Variants in EXOG observed in about 807,000 individuals in gnomAD.
EXOG encodes nuclease EXOG, mitochondrial.
Under a neutral mutation model 25.8 loss-of-function variants are expected in EXOG, and 27 were observed. The ratio of observed to expected loss-of-function variants is 1.05; its 90% CI spans 0.77 to 1.45. EXOG has a LOEUF of 1.45. Ranked by LOEUF, EXOG falls within the 40% of genes most tolerant of loss-of-function variation. The probability of loss-of-function intolerance (pLI) is 0.00; values close to 1 mark genes in which losing one functional copy is unlikely to be tolerated. For missense variants in EXOG, 458 were observed against 450.5 expected (o/e 1.02, Z -0.15); for synonymous variants, 133 against 167.0 (o/e 0.80, Z 1.57).
chr3:38,511,972 A>G (rs1164440506), intron 5 of EXOG, among the ~76,000 whole-genome samples: 1 of 152,164 alleles, frequency 6.6e-6, no homozygotes, highest in Admixed American at 6.5e-5. Context: ...TGGTGCATGT[A>G]CTCATAAACC....
At chr3:38,497,191 G>C in intron 1 of EXOG, 4 of 1,007,174 alleles carry the variant, frequency 4.0e-6, no homozygotes, top group Non-Finnish European at 4.7e-6. Flanking sequence ...TTGGGGGGTT[G>C]AGGATTTGAG....
intron 2 of EXOG, among the ~76,000 whole-genome samples, chr3:38,498,398 T>TA (rs2059954121): frequency 6.6e-6 from 1 of 151,880 alleles, no homozygotes; most frequent in Non-Finnish European, 1.5e-5. Flanking sequence ...CTACAAAAAA[T>TA]ACAAAAATTA....
rs116877816 is a variant in EXOG at position 38,515,504 on chromosome 3, G to A, written c.646-8397G>A. Reference sequence around the variant, plus strand: ...TGCCAGGGCTCCAGGGGGGAAAAGTGGAAAATTATCTGGTCCTGGCCCAGG... The same window carrying A: ...TGCCAGGGCTCCAGGGGGGAAAAGTAGAAAATTATCTGGTCCTGGCCCAGG... On this transcript the variant is annotated intron_variant, in intron 5 of 5. Transcript: ENST00000287675. 8.6e-4 allele frequency: 151 copies of A among 175,718 alleles called. 2 individuals are homozygous for A. Among genetic ancestry groups the A allele is most frequent in the East Asian group, 8.0e-3 (52 of 6,516 alleles). 10.9% of individuals were successfully genotyped at this position (175,718 alleles called of 1,614,324 possible).
At chr3:38,498,731 A>G in intron 2 of EXOG, 1 of 298,884 alleles carries the variant, frequency 3.3e-6, no homozygotes, top group Non-Finnish European at 6.7e-6. Context: ...GCATCTTCGG[A>G]GGCCCCCAAT....
intron 2 of EXOG, chr3:38,498,739 A>G (rs2059964064): frequency 3.2e-6 from 1 of 310,924 alleles, no homozygotes; most frequent in Non-Finnish European, 6.4e-6. Context: ...GGAGGCCCCC[A>G]ATGTGGACAG....
intron 5 of EXOG, among the ~76,000 whole-genome samples, chr3:38,514,298 A>T (rs374367356): frequency 6.6e-6 from 1 of 152,240 alleles, no homozygotes; most frequent in South Asian, 2.1e-4. Flanking sequence ...GGAATTGTCT[A>T]CATGAGAAAT....
chr3:38,501,461 C>T lies in EXOG; in HGVS notation c.420C>T (p.His140=). The T allele has an allele frequency of 6.2e-7, 1 of 1,614,016 alleles. No individual in the cohort carries two copies. Among genetic ancestry groups the T allele is most frequent in the African/African-American group, 1.3e-5 (1 of 75,026 alleles). Reference sequence around the variant, plus strand: ...TTGGAAGTGGGTGGTCACGAGGACACATGGCTCCAGCAGGAAATAACAAAT... The same window carrying T: ...TTGGAAGTGGGTGGTCACGAGGACATATGGCTCCAGCAGGAAATAACAAAT... ...DYVGSGWSRG[H]MAPAGNNKFS... The change falls in exon 3 of 6, where the codon CAC becomes CAT. Residue 140 remains histidine (H), a synonymous_variant. Coordinates refer to ENST00000287675, the MANE Select transcript of EXOG (RefSeq NM_005107.4).
chr3:38,496,898 C>T, intron 1 of EXOG: 1 of 1,209,532 alleles, frequency 8.3e-7, no homozygotes, highest in Non-Finnish European at 1.1e-6. Flanking sequence ...ATCATCTAAC[C>T]AGCACAGTAC....
Position 38,525,965 on chromosome 3 carries a change from A to G in EXOG, c.*1603A>G, listed in dbSNP as rs1425635164. On this transcript the variant is annotated 3_prime_UTR_variant, in exon 6 of 6. Transcript: ENST00000287675. Reference sequence around the variant, plus strand: ...TCTCAAAAAAAGAAAAGAAAAAAGAAAAAGGTCTGCCCACAAAATCACTAG... The same window carrying G: ...TCTCAAAAAAAGAAAAGAAAAAAGAGAAAGGTCTGCCCACAAAATCACTAG... 4.1e-6 allele frequency: 4 copies of G among 985,216 alleles called. No homozygotes were observed. Among genetic ancestry groups the G allele is most frequent in the East Asian group, 1.1e-4 (1 of 8,816 alleles). 61.0% of individuals were successfully genotyped at this position (985,216 alleles called of 1,614,324 possible). A position where few individuals can be genotyped will look rare whatever the true frequency, so the allele number is the denominator to read the frequency against.
intron 5 of EXOG, among the ~76,000 whole-genome samples, chr3:38,511,803 A>G (rs2060378566): frequency 6.6e-6 from 1 of 152,196 alleles, no homozygotes; most frequent in Non-Finnish European, 1.5e-5. Context: ...GTTCAGTTTT[A>G]TCTGTGATAT....
At chr3:38,519,772 C>T (rs1199842443) in intron 5 of EXOG, among the ~76,000 whole-genome samples, 1 of 152,156 alleles carries the variant, frequency 6.6e-6, no homozygotes, top group Non-Finnish European at 1.5e-5. Flanking sequence ...TGAGAAGTAC[C>T]GTCTTCCAGG....
intron 5 of EXOG, 88 bp from the exon 6 acceptor site, chr3:38,523,813 A>T: frequency 1.2e-6 from 1 of 828,386 alleles, no homozygotes; most frequent in Non-Finnish European, 1.9e-6. Flanking sequence ...AGTACATTTC[A>T]GCAATGCATT....
chr3:38,496,573 G>A, intron 1 of EXOG, 43 bp downstream of exon 1: 1 of 1,585,042 alleles, frequency 6.3e-7, no homozygotes, highest in African/African-American at 1.3e-5. Flanking sequence ...CCCAGATTTC[G>A]GGCTCCGACT....
chr3:38,503,585 G>A lies in EXOG; in HGVS notation c.454-30G>A, dbSNP rs201613496. On this transcript the variant is annotated intron_variant, in intron 3 of 5. Transcript: ENST00000287675. ...ATCTTTTAAAGGGGAAAGCATTTCA[G>A]TGCAAGTTACTATGTTTCTTTCTTT... 1,922 of 1,266,470 alleles carry A rather than the reference G, an allele frequency of 1.5e-3. 6 individuals are homozygous for A. The highest frequency in any genetic ancestry group is 1.8e-3 in the Non-Finnish European group (1,554 of 869,954). 78.5% of individuals were successfully genotyped at this position (1,266,470 alleles called of 1,614,324 possible). A position where few individuals can be genotyped will look rare whatever the true frequency, so the allele number is the denominator to read the frequency against.
At chr3:38,501,115 G>A in intron 2 of EXOG, 1 of 354,990 alleles carries the variant, frequency 2.8e-6, no homozygotes, top group Non-Finnish European at 5.0e-6. Context: ...AACTGGAAAG[G>A]CCAGAGTCAA....
chr3:38,517,126 A>G (rs578188270), intron 5 of EXOG, among the ~76,000 whole-genome samples: 17 of 152,338 alleles, frequency 1.1e-4, no homozygotes, highest in Middle Eastern at 6.8e-3. Context: ...TAGTTTTAGC[A>G]TCCATTGATA....
chr3:38,521,859 C>T (rs2060725784), intron 5 of EXOG, among the ~76,000 whole-genome samples: 1 of 152,142 alleles, frequency 6.6e-6, no homozygotes, highest in Non-Finnish European at 1.5e-5. Flanking sequence ...TACTTTAAAG[C>T]ATATTCTTTT....
intron 3 of EXOG, among the ~76,000 whole-genome samples, chr3:38,502,427 A>G (rs773588550): frequency 1.3e-5 from 2 of 152,164 alleles, no homozygotes; most frequent in Non-Finnish European, 2.9e-5. Flanking sequence ...TAATTTGTAG[A>G]AATTTATAGA....
rs1421214786 is a variant in EXOG, at chr3:38,496,450, C to T, written c.83C>T (p.Ala28Val). Residue 28 changes from alanine to valine, a missense_variant, in exon 1 of 6, where the codon GCT (alanine) becomes GTT (valine). Around this residue, in one of 3 missense-constraint regions of EXOG, gnomAD observed 275 missense variants for 230.5 expected, o/e 1.19. Transcript: ENST00000287675. ...SGFVAGAVVG[A>V]AGAGLAALQF... is the part of the protein sequence containing the mutation. ...TTCGTGGCTGGGGCTGTAGTGGGCG[C>T]TGCGGGAGCTGGGCTCGCGGCCCTG... The T allele has an allele frequency of 6.2e-7, 1 of 1,614,120 alleles. No individual in the cohort carries two copies. Among genetic ancestry groups the T allele is most frequent in the South Asian group, 1.1e-5 (1 of 91,086 alleles).
Sources: gnomAD v4.1 joint callset for allele counts (sites outside exome capture counted in the v4.1 genomes callset) on GRCh38, gnomAD v4.1.1 for gene constraint, gnomAD v4.1.1 regional missense constraint, MANE v1.5 for transcripts, NCBI Gene and HGNC (gene_info 2026-07-23, HGNC 2026-07-21) for gene names.